The following LOC128706666 variants were observed in gnomAD, a reference collection of about 807,000 sequenced individuals.
the LOC128706666 span, among the ~76,000 whole-genome samples, chr20:10,418,258 G>A: frequency 1.4e-4 from 22 of 152,160 alleles, no homozygotes; most frequent in African/African-American, 5.1e-4. Context: ...CTGGCAAAAC[G>A]CTGTTAACTA....
the LOC128706666 span, chr20:10,420,841 AG>A: frequency 6.6e-6 from 1 of 152,228 alleles, no homozygotes; most frequent in South Asian, 2.1e-4. Context: ...CACTACAAGT[AG>A]CATGCTGTAC....
chr20:10,427,080 A>ACACACACACACACACACACACACAC, the LOC128706666 span, among the ~76,000 whole-genome samples: 1 of 147,510 alleles, frequency 6.8e-6, no homozygotes, highest in Non-Finnish European at 1.5e-5. Context: ...ACACACACAC[A>ACACACACACACACACACACACACAC]AAGTAAGGTT....
the LOC128706666 span, among the ~76,000 whole-genome samples, chr20:10,418,345 T>C: frequency 9.8e-4 from 149 of 152,346 alleles, 1 homozygote; most frequent in Non-Finnish European, 1.9e-3. Flanking sequence ...TTAAAGCCAG[T>C]TGATGGATAC....
chr20:10,433,179 T>A, the LOC128706666 span, among the ~76,000 whole-genome samples: 1 of 152,240 alleles, frequency 6.6e-6, no homozygotes, highest in Non-Finnish European at 1.5e-5. Context: ...CATTTTTTTG[T>A]ACTTTTAGCA....
the LOC128706666 span, among the ~76,000 whole-genome samples, chr20:10,430,916 T>C: frequency 6.6e-6 from 1 of 152,174 alleles, no homozygotes; most frequent in Non-Finnish European, 1.5e-5. Context: ...TGAAACAACG[T>C]TTTACATAAG....
the LOC128706666 span, among the ~76,000 whole-genome samples, chr20:10,421,175 T>C: frequency 6.6e-6 from 1 of 152,148 alleles, no homozygotes; most frequent in South Asian, 2.1e-4. Flanking sequence ...CACGCCTGTA[T>C]TCCCAGCACT....
the LOC128706666 span, among the ~76,000 whole-genome samples, chr20:10,420,356 A>G: frequency 1.3e-5 from 2 of 152,194 alleles, no homozygotes; most frequent in Non-Finnish European, 2.9e-5. Flanking sequence ...ATGTCTCTGC[A>G]CAACGAACTT....
At chr20:10,432,140 C>T in the LOC128706666 span, among the ~76,000 whole-genome samples, 8 of 152,298 alleles carry the variant, frequency 5.3e-5, no homozygotes, top group East Asian at 1.4e-3. Context: ...AGACATCTAA[C>T]GACAGATCAA....
the LOC128706666 span, among the ~76,000 whole-genome samples, chr20:10,433,409 C>G: frequency 1.3e-5 from 2 of 152,288 alleles, no homozygotes; most frequent in East Asian, 1.9e-4. Context: ...GAGTCAGGAC[C>G]GTGCAAGTCC....
chr20:10,432,478 T>G, the LOC128706666 span, among the ~76,000 whole-genome samples: 53,964 of 151,984 alleles, frequency 0.36, 11,028 homozygotes, highest in Non-Finnish European at 0.45. Context: ...CAAATCCAGA[T>G]GCTCAGGTCC....
chr20:10,426,600 T>C, the LOC128706666 span, among the ~76,000 whole-genome samples: 9 of 152,204 alleles, frequency 5.9e-5, no homozygotes, highest in Non-Finnish European at 1.3e-4. Flanking sequence ...GGTTTCACCA[T>C]GTTGCCCAGG....
At chr20:10,432,789 CAAAAAAAAA>C in the LOC128706666 span, among the ~76,000 whole-genome samples, 1,405 of 74,604 alleles carry the variant, frequency 0.019, 31 homozygotes, top group African/African-American at 0.061. Flanking sequence ...GACTCTTTGT[CAAAAAAAAA>C]AAAAAAAAAA....
the LOC128706666 span, among the ~76,000 whole-genome samples, chr20:10,427,081 A>G: frequency 2.1e-4 from 18 of 85,700 alleles, no homozygotes; most frequent in Admixed American, 1.6e-3. Flanking sequence ...CACACACACA[A>G]AGTAAGGTTA....
the LOC128706666 span, among the ~76,000 whole-genome samples, chr20:10,417,814 C>T: frequency 6.6e-6 from 1 of 151,816 alleles, no homozygotes; most frequent in Non-Finnish European, 1.5e-5. Flanking sequence ...TGAAAGTAGC[C>T]TCTTGATATA....
chr20:10,430,799 T>G, the LOC128706666 span, among the ~76,000 whole-genome samples: 21 of 152,174 alleles, frequency 1.4e-4, no homozygotes, highest in African/African-American at 5.1e-4. Flanking sequence ...GGTGAAAAAT[T>G]TCATGTATGT....
chr20:10,430,568 G>A, the LOC128706666 span, among the ~76,000 whole-genome samples: 1 of 152,208 alleles, frequency 6.6e-6, no homozygotes, highest in African/African-American at 2.4e-5. Context: ...CCCCATAAAG[G>A]AAGGCCCACT....
At chr20:10,429,732 C>T in the LOC128706666 span, among the ~76,000 whole-genome samples, 2 of 152,194 alleles carry the variant, frequency 1.3e-5, no homozygotes, top group African/African-American at 2.4e-5. Flanking sequence ...AATCCCTCCT[C>T]CCTAGGGTCA....
chr20:10,415,969 T>C, the LOC128706666 span, among the ~76,000 whole-genome samples: 1 of 151,296 alleles, frequency 6.6e-6, no homozygotes. Context: ...CAAAAGAAGG[T>C]ACAAGAAAGA....
At chr20:10,418,130 T>C in the LOC128706666 span, among the ~76,000 whole-genome samples, 1 of 152,246 alleles carries the variant, frequency 6.6e-6, no homozygotes, top group Non-Finnish European at 1.5e-5. Flanking sequence ...TGTTTGTGTA[T>C]GTGTGTTTAT....
Sources: gnomAD v4.1 joint callset for allele counts (sites outside exome capture counted in the v4.1 genomes callset) on GRCh38, gnomAD v4.1.1 for gene constraint, MANE v1.5 for transcripts.